CCDC146: variants seen among roughly 807,000 people sequenced by gnomAD.
The protein encoded by CCDC146 is coiled-coil domain-containing protein 146.
In CCDC146, 92 loss-of-function variants were observed where a neutral mutation model predicts 119.3. The ratio of observed to expected loss-of-function variants is 0.77; its 90% CI spans 0.65 to 0.92. CCDC146 has a LOEUF of 0.92. CCDC146 is among the 40% of genes least tolerant of loss of function. The pLI is 0.00. For synonymous variants in CCDC146, 372 were observed against 371.8 expected, an observed-to-expected ratio of 1.00 and a Z score of -0.01; for missense variants, 1,000 against 1,103.0, an observed-to-expected ratio of 0.91 and a Z score of 1.32.
rs140968354 is a variant in CCDC146 at position 77,278,435 on chromosome 7, A to ATTTTTT, written c.1441-297_1441-292dup. ...GTACAACCCAGCAAGCCAAGAAATA[A>ATTTTTT]TTTTTTTTTTTTTTTTTTTTTTTTT... On this transcript the variant is annotated intron_variant, in intron 11 of 18. Transcript: ENST00000285871. Among the ~76,000 whole-genome samples the ATTTTTT allele has an allele frequency of 2.7e-4, 28 of 103,342 alleles. 1 individual carries two copies. The highest frequency in any genetic ancestry group is 1.1e-3 in the African/African-American group (25 of 23,412). The allele number at this position is 103,342 out of a possible 152,430, so 67.8% of individuals were successfully genotyped here. A position where few individuals can be genotyped will look rare whatever the true frequency, so the allele number is the denominator to read the frequency against.
chr7:77,178,623 T>G (rs1395483644), intron 2 of CCDC146, among the ~76,000 whole-genome samples: 1 of 152,240 alleles, frequency 6.6e-6, no homozygotes, highest in South Asian at 2.1e-4. Context: ...AATACAGTTT[T>G]AATCACCTCT....
chr7:77,214,402 TC>T (rs1792259758), intron 2 of CCDC146, among the ~76,000 whole-genome samples: 1 of 152,146 alleles, frequency 6.6e-6, no homozygotes, highest in African/African-American at 2.4e-5. Flanking sequence ...CTGTAGATTG[TC>T]TGTTTGCTCC....
At chr7:77,222,559 A>G (rs1270555103) in intron 2 of CCDC146, among the ~76,000 whole-genome samples, 2 of 152,232 alleles carry the variant, frequency 1.3e-5, no homozygotes, top group African/African-American at 4.8e-5. Context: ...ACTTGGCAGC[A>G]TAGAAAGCAG....
chr7:77,284,209 G>A (rs1325437646), intron 15 of CCDC146, among the ~76,000 whole-genome samples: 1 of 152,182 alleles, frequency 6.6e-6, no homozygotes, highest in African/African-American at 2.4e-5. Flanking sequence ...AATGGTATGT[G>A]GGGTTACATT....
intron 2 of CCDC146, among the ~76,000 whole-genome samples, chr7:77,233,036 T>C (rs1055977699): frequency 6.6e-6 from 1 of 152,158 alleles, no homozygotes; most frequent in Non-Finnish European, 1.5e-5. Context: ...AGACTTTAAA[T>C]GGTTGTCTCA....
rs1308864193 is a variant in CCDC146, at chr7:77,132,899, C to T, written c.-12+10167C>T. On this transcript the variant is annotated intron_variant, in intron 1 of 18. Transcript: ENST00000285871. ...TAAAAAGTGTTTGGTAGGCCGGGCACGGTGGCTTATGCCTGTAATCCCAGC... is the reference window on the plus strand; with the variant it reads ...TAAAAAGTGTTTGGTAGGCCGGGCATGGTGGCTTATGCCTGTAATCCCAGC... 2.6e-5 allele frequency among the ~76,000 whole-genome samples: 4 copies of T among 151,828 alleles called. No individual in the cohort carries two copies. The East Asian group carries it at 5.9e-4, about 22-fold the overall frequency.
intron 1 of CCDC146, among the ~76,000 whole-genome samples, chr7:77,139,786 A>G (rs1026381865): frequency 7.9e-5 from 12 of 152,238 alleles, no homozygotes; most frequent in Non-Finnish European, 1.6e-4. Flanking sequence ...GAAATCTATT[A>G]AAAAGCTACT....
intron 2 of CCDC146, among the ~76,000 whole-genome samples, chr7:77,233,261 T>A (rs1460500773): frequency 1.3e-5 from 2 of 152,010 alleles, no homozygotes; most frequent in Non-Finnish European, 2.9e-5. Context: ...GCTAATTTTT[T>A]TTGTATTTTT....
intron 2 of CCDC146, chr7:77,199,572 C>T: frequency 6.2e-7 from 1 of 1,614,160 alleles, no homozygotes; most frequent in Middle Eastern, 1.6e-4. Flanking sequence ...CCTCCTCGAT[C>T]CTGCTGAATT....
intron 2 of CCDC146, among the ~76,000 whole-genome samples, chr7:77,181,884 G>A (rs1388251445): frequency 2.6e-5 from 4 of 152,040 alleles, no homozygotes; most frequent in South Asian, 2.1e-4. Context: ...TTATAAATAC[G>A]TCTCCTGTGT....
chr7:77,188,443 C>G (rs1791705969), intron 2 of CCDC146, among the ~76,000 whole-genome samples: 1 of 152,148 alleles, frequency 6.6e-6, no homozygotes, highest in African/African-American at 2.4e-5. Context: ...TTTAAATGAC[C>G]ACAAATGATT....
intron 2 of CCDC146, among the ~76,000 whole-genome samples, chr7:77,219,726 C>T (rs1356101668): frequency 6.6e-6 from 1 of 151,946 alleles, no homozygotes. Context: ...AGAAAGAGTA[C>T]AAAAGAAAGA....
intron 2 of CCDC146, among the ~76,000 whole-genome samples, chr7:77,227,507 G>A (rs1287930165): frequency 6.6e-6 from 1 of 152,100 alleles, no homozygotes; most frequent in East Asian, 1.9e-4. Context: ...GGGTTTCACC[G>A]TGTTAGCCAG....
At chr7:77,190,272 G>T (rs1791738819) in intron 2 of CCDC146, among the ~76,000 whole-genome samples, 1 of 152,196 alleles carries the variant, frequency 6.6e-6, no homozygotes, top group African/African-American at 2.4e-5. Flanking sequence ...ATAGCCTGTT[G>T]AATCTATAAT....
Position 77,256,278 on chromosome 7 carries a change from G to A in CCDC146, c.508-55G>A, listed in dbSNP as rs2150508587. Reference sequence around the variant, plus strand: ...AAATTAGTTTTAGTTCAGTTTTTAGGTAGATAAATGTTTGCTCAGACTATA... The same window carrying A: ...AAATTAGTTTTAGTTCAGTTTTTAGATAGATAAATGTTTGCTCAGACTATA... On this transcript the variant is annotated intron_variant, in intron 5 of 18. Transcript: ENST00000285871. The A allele has an allele frequency of 2.3e-6, 3 of 1,303,032 alleles. No homozygotes were observed. The South Asian group carries it at 4.5e-5, about 20-fold the overall frequency. The allele number at this position is 1,303,032 out of a possible 1,614,324, so 80.7% of individuals were successfully genotyped here.
At chr7:77,131,385 A>T (rs1356252424) in intron 1 of CCDC146, among the ~76,000 whole-genome samples, 1 of 152,104 alleles carries the variant, frequency 6.6e-6, no homozygotes, top group Non-Finnish European at 1.5e-5. Context: ...GCTCAGTAAT[A>T]AAAAGTGACA....
In CCDC146 at chr7:77,167,194, G is replaced by GA. The variant is rs1791349633; in HGVS notation, c.-11-459dup. ...AGAAGTCCAATAAGGTAGACAATAT[G>GA]AAAAATAGTAAATTACAATACACTG... On this transcript the variant is annotated intron_variant, in intron 1 of 18. Coordinates refer to ENST00000285871, the MANE Select transcript of CCDC146 (RefSeq NM_020879.3). Among the ~76,000 whole-genome samples, 4 of 152,082 alleles carry GA rather than the reference G, an allele frequency of 2.6e-5. No individual in the cohort carries two copies. In the South Asian group the frequency reaches 8.3e-4, roughly 31 times the overall value.
intron 9 of CCDC146, among the ~76,000 whole-genome samples, chr7:77,266,991 ATTTTT>A (rs71085446): frequency 1.5e-5 from 2 of 136,404 alleles, no homozygotes; most frequent in East Asian, 2.2e-4. Context: ...ATGCAAAGGA[ATTTTT>A]TTTTTTTTTT....
intron 15 of CCDC146, among the ~76,000 whole-genome samples, chr7:77,283,470 T>C (rs60289382): frequency 6.6e-6 from 1 of 152,104 alleles, no homozygotes; most frequent in African/African-American, 2.4e-5. Flanking sequence ...CATTGACCAA[T>C]GTAGCAGGAA....
Sources: gnomAD v4.1 joint callset for allele counts (sites outside exome capture counted in the v4.1 genomes callset) on GRCh38, gnomAD v4.1.1 for gene constraint, MANE v1.5 for transcripts, NCBI Gene and HGNC (gene_info 2026-07-23, HGNC 2026-07-21) for gene names.